Variants in PKNOX1 observed in about 807,000 individuals in gnomAD.
PKNOX1 encodes PBX/knotted 1 homeobox 1.
In PKNOX1, 15 loss-of-function variants were observed where a neutral mutation model predicts 51.9. The observed-to-expected ratio is 0.29, with a 90% CI of 0.19 to 0.45. PKNOX1 has a LOEUF of 0.45. Ranked by LOEUF, PKNOX1 falls within the 20% of genes least tolerant of loss-of-function variation. The pLI, the probability that PKNOX1 is intolerant of heterozygous loss-of-function variation, is 1.00. For synonymous variants in PKNOX1, 219 were observed against 211.1 expected (o/e 1.04, Z -0.32); for missense variants, 462 against 547.5 (o/e 0.84, Z 1.56).
At chr21:42,994,200 C>T (rs959441129) in intron 1 of PKNOX1, among the ~76,000 whole-genome samples, 5 of 142,482 alleles carry the variant, frequency 3.5e-5, no homozygotes, top group Non-Finnish European at 7.6e-5. Context: ...GCCATCATGC[C>T]CAGCTAAATT....
chr21:42,992,499 A>G (rs1158639682), intron 1 of PKNOX1, among the ~76,000 whole-genome samples: 1 of 152,242 alleles, frequency 6.6e-6, no homozygotes, highest in African/African-American at 2.4e-5. Flanking sequence ...TCTGTGGACC[A>G]GGAATATGGA....
chr21:42,984,058 A>G (rs192371756), intron 1 of PKNOX1, among the ~76,000 whole-genome samples: 2 of 140,880 alleles, frequency 1.4e-5, no homozygotes, highest in East Asian at 4.1e-4. Flanking sequence ...GGTTTCTTAC[A>G]TGCATACGTG....
At chr21:42,988,955 C>T (rs935755693) in intron 1 of PKNOX1, among the ~76,000 whole-genome samples, 20 of 142,860 alleles carry the variant, frequency 1.4e-4, no homozygotes, top group African/African-American at 4.8e-4. Flanking sequence ...ACCCTGCGGG[C>T]TGGATGAGGA....
intron 1 of PKNOX1, among the ~76,000 whole-genome samples, chr21:42,976,660 C>T (rs1454424604): frequency 6.6e-6 from 1 of 152,238 alleles, no homozygotes; most frequent in African/African-American, 2.4e-5. Flanking sequence ...AAACCACTTT[C>T]TTTGCTCATC....
chr21:43,011,499 C>G (rs1199329389), intron 4 of PKNOX1, among the ~76,000 whole-genome samples: 1 of 152,196 alleles, frequency 6.6e-6, no homozygotes, highest in Non-Finnish European at 1.5e-5. Context: ...CTGGATTGCT[C>G]TGAATGAGCT....
At chr21:42,997,703 C>A (rs1978569504) in intron 1 of PKNOX1, among the ~76,000 whole-genome samples, 1 of 152,152 alleles carries the variant, frequency 6.6e-6, no homozygotes, top group African/African-American at 2.4e-5. Flanking sequence ...AAACTTAACC[C>A]CAGTGTGGGT....
chr21:43,009,770 A>G (rs1275506777), intron 3 of PKNOX1, among the ~76,000 whole-genome samples: 6 of 152,194 alleles, frequency 3.9e-5, no homozygotes, highest in African/African-American at 1.4e-4. Context: ...ATATAGAGAT[A>G]GCAAGTAGGT....
rs747537686 is a variant in PKNOX1 at position 43,024,868 on chromosome 21, C to T, written c.850-3C>T. ...CATGGTAACCTTCTTTTTTTATTTT[C>T]AGCATCCCTACCCAACAGAGGATGA... On this transcript the variant is annotated splice_polypyrimidine_tract_variant and splice_region_variant and intron_variant, in intron 8 of 10. Transcript: ENST00000291547. 4 of 1,599,272 alleles carry T rather than the reference C, an allele frequency of 2.5e-6. No individual in the cohort carries two copies. The highest frequency in any genetic ancestry group is 2.6e-6 in the Non-Finnish European group (3 of 1,168,320).
At chr21:43,004,782 A>G (rs1978916928) in intron 2 of PKNOX1, among the ~76,000 whole-genome samples, 1 of 152,198 alleles carries the variant, frequency 6.6e-6, no homozygotes, top group African/African-American at 2.4e-5. Flanking sequence ...CTGAGTGTCT[A>G]ACTGGATCAG....
Position 43,030,156 on chromosome 21 carries a change from C to G in PKNOX1, c.*55C>G. On this transcript the variant is annotated 3_prime_UTR_variant, in exon 11 of 11. Coordinates refer to ENST00000291547, the MANE Select transcript of PKNOX1 (RefSeq NM_004571.5). ...GAGTTTGCACAGCAAACATTTTACACAGTTTTATTTCTAATATGTTTTATA... is the reference window on the plus strand; with the variant it reads ...GAGTTTGCACAGCAAACATTTTACAGAGTTTTATTTCTAATATGTTTTATA... 7.7e-7 allele frequency: 1 copy of G among 1,295,464 alleles called. No individual in the cohort carries two copies. Among genetic ancestry groups the G allele is most frequent in the East Asian group, 2.4e-5 (1 of 41,362 alleles). The allele number at this position is 1,295,464 out of a possible 1,614,324, so 80.2% of individuals were successfully genotyped here. A position where few individuals can be genotyped will look rare whatever the true frequency, so the allele number is the denominator to read the frequency against.
chr21:43,004,180 T>C (rs540757081), intron 1 of PKNOX1, 146 bp from the exon 2 acceptor site: 4 of 428,640 alleles, frequency 9.3e-6, no homozygotes, highest in African/African-American at 8.2e-5. Flanking sequence ...GAGGTTGAGG[T>C]GAGCCGAGAT....
intron 1 of PKNOX1, among the ~76,000 whole-genome samples, chr21:42,981,920 G>C (rs1253044366): frequency 1.3e-5 from 2 of 152,224 alleles, no homozygotes; most frequent in African/African-American, 4.8e-5. Flanking sequence ...CCTCTGGGCA[G>C]ATGGAACCAT....
At chr21:42,983,091 T>C (rs1413153467) in intron 1 of PKNOX1, among the ~76,000 whole-genome samples, 5 of 131,018 alleles carry the variant, frequency 3.8e-5, no homozygotes, top group Admixed American at 3.3e-4. Context: ...ATTACAGGCA[T>C]GAACCACTGT....
At chr21:43,026,409 C>T (rs1311779505) in intron 9 of PKNOX1, among the ~76,000 whole-genome samples, 1 of 152,188 alleles carries the variant, frequency 6.6e-6, no homozygotes, top group Admixed American at 6.5e-5. Flanking sequence ...GAGATACACA[C>T]ACCCATCATT....
rs959252421 is a variant in PKNOX1, at chr21:43,033,455, G to A, written c.*3354G>A. On this transcript the variant is annotated 3_prime_UTR_variant, in exon 11 of 11. Coordinates refer to ENST00000291547, the MANE Select transcript of PKNOX1 (RefSeq NM_004571.5). ...TTCGTTCTAGTTATATTCGGTCTTT[G>A]AAACTGACAATCTTTGAAATGTGAA... is the stretch of plus-strand genomic sequence containing the variant. 2.6e-5 allele frequency: 4 copies of A among 152,592 alleles called. No homozygotes were observed. The highest frequency in any genetic ancestry group is 9.7e-5 in the African/African-American group (4 of 41,438). The allele number at this position is 152,592 out of a possible 1,614,324, so 9.5% of individuals were successfully genotyped here.
At chr21:42,976,005 T>A (rs1191337313) in intron 1 of PKNOX1, among the ~76,000 whole-genome samples, 1 of 152,234 alleles carries the variant, frequency 6.6e-6, no homozygotes, top group Non-Finnish European at 1.5e-5. Context: ...AGTCATAATT[T>A]GGAAGATGGC....
chr21:43,029,194 G>A (rs74748949), intron 10 of PKNOX1, among the ~76,000 whole-genome samples: 1 of 152,004 alleles, frequency 6.6e-6, no homozygotes, highest in African/African-American at 2.4e-5. Context: ...TCCCTCCGAC[G>A]CCGGGTGTGG....
rs1433865042 is a variant in PKNOX1 at position 43,029,894 on chromosome 21, T to C, written c.1104T>C (p.Ala368=). The C allele has an allele frequency of 1.2e-6, 2 of 1,612,576 alleles. No homozygotes were observed. Among genetic ancestry groups the C allele is most frequent in the South Asian group, 1.1e-5 (1 of 91,034 alleles). Residue 368 remains alanine, a synonymous_variant, in exon 11 of 11, where the codon GCT becomes GCC. Transcript: ENST00000291547. The part of the protein sequence containing the change: ...PPSELTMSEG[A]VVTITTPVNM... ...CACACCTTCATCCTGCCGCAGGAGC[T>C]GTTGTCACCATCACCACGCCCGTGA... is the stretch of plus-strand genomic sequence containing the variant.
rs879729681 is a variant in PKNOX1, at chr21:43,029,939, T to C, written c.1149T>C (p.Leu383=). The C allele has an allele frequency of 5.0e-6, 8 of 1,614,054 alleles. No homozygotes were observed. Among genetic ancestry groups the C allele is most frequent in the Non-Finnish European group, 6.8e-6 (8 of 1,180,018 alleles). ...CCGTGAACATGAACGTGGACAGCCT[T>C]CAGTCTCTGTCCTCGGACGGGGCCA... The part of the protein sequence containing the change: ...TTPVNMNVDS[L]QSLSSDGATL... Residue 383 remains leucine (L), a synonymous_variant, in exon 11 of 11, where the codon CTT becomes CTC. Coordinates refer to ENST00000291547, the MANE Select transcript of PKNOX1 (RefSeq NM_004571.5).
Sources: gnomAD v4.1 joint callset for allele counts (sites outside exome capture counted in the v4.1 genomes callset) on GRCh38, gnomAD v4.1.1 for gene constraint, MANE v1.5 for transcripts, NCBI Gene and HGNC (gene_info 2026-07-23, HGNC 2026-07-21) for gene names.